Variants in TANC2 observed in about 807,000 individuals in gnomAD.
TANC2 encodes protein TANC2.
In TANC2, 26 loss-of-function variants were observed where a neutral mutation model predicts 210.5. That is an observed-to-expected ratio of 0.12 (90% CI 0.09 to 0.17). The LOEUF is 0.17. Ranked by LOEUF, TANC2 falls within the 10% of genes least tolerant of loss-of-function variation. The probability of loss-of-function intolerance (pLI) is 1.00; values close to 1 mark genes in which losing one functional copy is unlikely to be tolerated. For synonymous variants in TANC2, 931 were observed against 967.1 expected, an observed-to-expected ratio of 0.96 and a Z score of 0.69; for missense variants, 2,129 against 2,608.9, an observed-to-expected ratio of 0.82 and a Z score of 4.01.
Position 63,418,187 on chromosome 17 carries a change from A to T in TANC2, c.4168-120A>T. The T allele has an allele frequency of 9.9e-7, 1 of 1,012,552 alleles. No homozygotes were observed. Among genetic ancestry groups the T allele is most frequent in the Non-Finnish European group, 1.5e-6 (1 of 686,474 alleles). The allele number at this position is 1,012,552 out of a possible 1,614,324, so 62.7% of individuals were successfully genotyped here. The stretch of plus-strand genomic sequence containing the variant: ...GGCTTGAGCCATGTCAGGCACGTCT[A>T]GCGTCCCAGGCGTTCCATCCATGAA... On this transcript the variant is annotated intron_variant, in intron 26 of 27. Coordinates refer to ENST00000689528, the Ensembl canonical transcript of TANC2. The surrounding 1 kb of genome is among the most constrained non-coding windows in gnomAD (Gnocchi z 4.6).
chr17:63,007,404 A>C (rs1031649830), intron 1 of TANC2, among the ~76,000 whole-genome samples: 1 of 152,092 alleles, frequency 6.6e-6, no homozygotes, highest in Non-Finnish European at 1.5e-5. Context: ...GTCATTTTGC[A>C]TTCAGTTCAT....
intron 4 of TANC2, among the ~76,000 whole-genome samples, chr17:63,140,214 C>T (rs73991894): frequency 0.058 from 8,862 of 152,164 alleles, 389 homozygotes; most frequent in African/African-American, 0.12. Flanking sequence ...TGATACTAGC[C>T]GCACATTAAA....
rs578235708 is a variant in TANC2 at position 63,338,343 on chromosome 17, T to A, written c.1576-1758T>A. ...GCCAAGAGCACAGATGGGTTTTTTTTAATAAAATCAGTAAAATAATGCTTT... is the reference window on the plus strand; with the variant it reads ...GCCAAGAGCACAGATGGGTTTTTTTAAATAAAATCAGTAAAATAATGCTTT... On this transcript the variant is annotated intron_variant, in intron 11 of 27. Coordinates refer to ENST00000689528, the Ensembl canonical transcript of TANC2. Among the ~76,000 whole-genome samples, 103 of 152,356 alleles carry A rather than the reference T, an allele frequency of 6.8e-4. No homozygotes were observed. The South Asian group carries it at 0.018, about 27-fold the overall frequency.
At chr17:63,060,118 T>C (rs2035942160) in intron 2 of TANC2, among the ~76,000 whole-genome samples, 1 of 152,202 alleles carries the variant, frequency 6.6e-6, no homozygotes. Context: ...TAAGGGAAGA[T>C]AGAAATAGTG....
At chr17:63,329,785 A>G (rs1032566713) in intron 11 of TANC2, among the ~76,000 whole-genome samples, 1 of 152,142 alleles carries the variant, frequency 6.6e-6, no homozygotes, top group African/African-American at 2.4e-5. Flanking sequence ...GGGCCTCCCT[A>G]TTCTCTGAGA....
chr17:63,091,870 T>C (rs1445033143), intron 3 of TANC2, among the ~76,000 whole-genome samples: 1 of 152,202 alleles, frequency 6.6e-6, no homozygotes, highest in African/African-American at 2.4e-5. Flanking sequence ...CATTTGTTTG[T>C]GTCCTCTTTT....
intron 4 of TANC2, among the ~76,000 whole-genome samples, chr17:63,103,902 C>T (rs890739970): frequency 2.0e-5 from 3 of 151,974 alleles, no homozygotes; most frequent in Non-Finnish European, 2.9e-5. Flanking sequence ...AAATTAAGTT[C>T]ATAGAGAGGT....
At chr17:63,105,978 T>C (rs910736031) in intron 4 of TANC2, among the ~76,000 whole-genome samples, 5 of 151,670 alleles carry the variant, frequency 3.3e-5, no homozygotes, top group Admixed American at 6.6e-5. Context: ...TGAGGAAATA[T>C]ATACTAAGAC....
intron 1 of TANC2, chr17:63,005,113 T>C (rs955009295): frequency 2.0e-5 from 3 of 152,338 alleles, no homozygotes; most frequent in Non-Finnish European, 4.4e-5. Context: ...TTATGTGATG[T>C]TTATTTTGAA....
rs1049324972 is a variant in TANC2, at chr17:63,354,831, G to A, written c.2023G>A (p.Glu675Lys). The A allele has an allele frequency of 1.9e-6, 3 of 1,606,508 alleles. No homozygotes were observed. The Admixed American group carries it at 5.2e-5, about 28-fold the overall frequency. Reference sequence around the variant, plus strand: ...CCATAGGATTTTTTTGGATCGACTAGAAGAGAATGAAGCCATAGACCAGGA... The same window carrying A: ...CCATAGGATTTTTTTGGATCGACTAAAAGAGAATGAAGCCATAGACCAGGA... Residue 675 changes from glutamate (E) to lysine (K), a missense_variant, in exon 14 of 28, where the codon GAA becomes AAA. Coordinates refer to ENST00000689528, the Ensembl canonical transcript of TANC2.
At chr17:63,199,815 T>C (rs763609832) in intron 6 of TANC2, among the ~76,000 whole-genome samples, 27 of 152,292 alleles carry the variant, frequency 1.8e-4, no homozygotes, top group Middle Eastern at 3.4e-3. Flanking sequence ...GTAAATAGCT[T>C]CAAGTGTAAG....
At chr17:63,264,307 G>A (rs1227206854) in intron 8 of TANC2, among the ~76,000 whole-genome samples, 2 of 152,188 alleles carry the variant, frequency 1.3e-5, no homozygotes, top group Non-Finnish European at 2.9e-5. Flanking sequence ...TTCAGGGTCT[G>A]GTGGTGAGAA....
chr17:63,259,116 T>G (rs975445292), intron 8 of TANC2, among the ~76,000 whole-genome samples: 2 of 152,062 alleles, frequency 1.3e-5, no homozygotes, highest in Admixed American at 1.3e-4. Flanking sequence ...TCTAGAAAAG[T>G]CTTCTGGGAG....
chr17:63,339,984 T>C lies in TANC2; in HGVS notation c.1576-117T>C, dbSNP rs145975292. The C allele has an allele frequency of 3.8e-3, 2,753 of 729,346 alleles. 44 individuals carry two copies. The highest frequency in any genetic ancestry group is 0.014 in the East Asian group (507 of 36,932). The allele number at this position is 729,346 out of a possible 1,614,324, so 45.2% of individuals were successfully genotyped here. On this transcript the variant is annotated intron_variant, in intron 11 of 27. Transcript: ENST00000689528. ...GTTGAGGAATGAAGAGACAAAAAAG[T>C]ATTATGTAATACTGAGATACTAAGT... is the stretch of plus-strand genomic sequence containing the variant.
chr17:63,385,625 T>A (rs1469823867), intron 15 of TANC2, among the ~76,000 whole-genome samples: 1 of 152,246 alleles, frequency 6.6e-6, no homozygotes, highest in East Asian at 1.9e-4. Flanking sequence ...AAAGAGCTTC[T>A]GAAGTAATAA....
intron 8 of TANC2, among the ~76,000 whole-genome samples, chr17:63,253,008 AC>A (rs1377355976): frequency 1.3e-5 from 2 of 152,136 alleles, no homozygotes; most frequent in African/African-American, 4.8e-5. Context: ...ATATAGTAGT[AC>A]TATTTTCAAT....
chr17:63,370,561 AT>A (rs1393103511), intron 14 of TANC2, among the ~76,000 whole-genome samples: 1 of 152,180 alleles, frequency 6.6e-6, no homozygotes, highest in African/African-American at 2.4e-5. Context: ...TTCTTGTTTT[AT>A]TTAAGGTAAT....
chr17:63,082,031 C>T (rs557084901), intron 3 of TANC2, among the ~76,000 whole-genome samples: 3 of 151,828 alleles, frequency 2.0e-5, no homozygotes, highest in South Asian at 4.2e-4. Flanking sequence ...GTTAGCTGGG[C>T]GTGGTGGCGG....
intron 11 of TANC2, chr17:63,332,235 TG>T: frequency 2.9e-6 from 1 of 347,256 alleles, no homozygotes; most frequent in Non-Finnish European, 5.6e-6. Context: ...TAACCTTTTA[TG>T]GTACAGTCTC....
Sources: gnomAD v4.1 joint callset for allele counts (sites outside exome capture counted in the v4.1 genomes callset) on GRCh38, gnomAD v4.1.1 for gene constraint, Gnocchi (gnomAD v3.1) non-coding constraint, MANE v1.5 for transcripts, NCBI Gene and HGNC (gene_info 2026-07-23, HGNC 2026-07-21) for gene names.